GDF1: variants seen among roughly 807,000 people sequenced by gnomAD.
The protein encoded by GDF1 is growth differentiation factor 1.
In GDF1, 8 loss-of-function variants were observed where a neutral mutation model predicts 7.4. The observed-to-expected ratio is 1.09, with a 90% CI of 0.64 to 1.96. The LOEUF is 1.96. Among genes scored for constraint, GDF1 ranks in the 30% most tolerant of loss-of-function variants. The pLI is 0.00. For synonymous variants in GDF1, 311 were observed against 276.7 expected (o/e 1.12, Z -1.23); for missense variants, 574 against 551.5 (o/e 1.04, Z -0.41).
chr19:18,875,251 A>C (rs1433477887), intron 6 of GDF1, among the ~76,000 whole-genome samples: 1 of 147,976 alleles, frequency 6.8e-6, no homozygotes, highest in South Asian at 2.1e-4. Flanking sequence ...AAAAAAAAAG[A>C]AAGAAAGAAA....
chr19:18,887,479 CTTTAA>C (rs2056389455), intron 2 of GDF1, among the ~76,000 whole-genome samples: 1 of 152,138 alleles, frequency 6.6e-6, no homozygotes, highest in Admixed American at 6.6e-5. Flanking sequence ...GAACTGTTCG[CTTTAA>C]AATGGTTAAT....
At chr19:18,894,685 C>T (rs2056582527) in intron 1 of GDF1, among the ~76,000 whole-genome samples, 1 of 152,104 alleles carries the variant, frequency 6.6e-6, no homozygotes, top group African/African-American at 2.4e-5. Context: ...AGGGAGGGGC[C>T]CTGGACAGCC....
intron 4 of GDF1, among the ~76,000 whole-genome samples, chr19:18,880,058 A>C: frequency 2.1e-5 from 3 of 140,190 alleles, no homozygotes; most frequent in Admixed American, 1.4e-4. Context: ...GCCCAGCCCC[A>C]CTCCTAGCTC....
intron 6 of GDF1, among the ~76,000 whole-genome samples, chr19:18,872,713 A>AGTAGAGG (rs2055996234): frequency 5.0e-5 from 3 of 59,598 alleles, no homozygotes; most frequent in African/African-American, 2.0e-4. Flanking sequence ...ATGCGGTTTT[A>AGTAGAGG]CCATGTTGGC....
At chr19:18,891,604 G>T (rs1184825901) in intron 2 of GDF1, among the ~76,000 whole-genome samples, 3 of 152,082 alleles carry the variant, frequency 2.0e-5, no homozygotes, top group Non-Finnish European at 4.4e-5. Flanking sequence ...CCCAGGCAGG[G>T]TCTCGCTCTG....
At chr19:18,880,689 G>A (rs2056182919) in intron 3 of GDF1, among the ~76,000 whole-genome samples, 1 of 151,674 alleles carries the variant, frequency 6.6e-6, no homozygotes. Context: ...GTGGCCCAGG[G>A]AGCTCCCTGG....
chr19:18,894,425 G>A (rs1445010859), intron 1 of GDF1, among the ~76,000 whole-genome samples: 2 of 152,162 alleles, frequency 1.3e-5, no homozygotes, highest in African/African-American at 4.8e-5. Flanking sequence ...CTGCCAAGAA[G>A]ATCAGCTTTG....
chr19:18,874,745 G>A (rs1032413074), intron 6 of GDF1, among the ~76,000 whole-genome samples: 4 of 152,216 alleles, frequency 2.6e-5, no homozygotes, highest in Non-Finnish European at 5.9e-5. Context: ...TGAGGGCCAT[G>A]AGGAGGACAG....
In GDF1 at chr19:18,870,070, G is replaced by A; in HGVS notation, c.238C>T (p.Arg80Trp). ...TGCAGGGTGACCCCTGGGGACGTCC[G>A]CCGCGAGCCAGACCTGGTCTCCTGG... ...DPQETRSGSR[R>W]TSPGVTLQPC... The change falls in exon 7 of 8, where the codon CGG (arginine) becomes TGG (tryptophan). Residue 80 changes from arginine (R) to tryptophan (W), a missense_variant. Transcript: ENST00000247005. The surrounding 1 kb of genome is among the most constrained non-coding windows in gnomAD (Gnocchi z 5.1). 6.3e-7 allele frequency: 1 copy of A among 1,582,682 alleles called. No individual in the cohort carries two copies. Among genetic ancestry groups the A allele is most frequent in the Non-Finnish European group, 8.5e-7 (1 of 1,169,604 alleles).
chr19:18,893,544 C>A lies in GDF1; in HGVS notation c.-1042G>T, dbSNP rs1268321830. On this transcript the variant is annotated 5_prime_UTR_variant, in exon 2 of 8. Transcript: ENST00000247005. The stretch of plus-strand genomic sequence containing the variant: ...GCTCTCGGGCATCTTGGCGGCATCT[C>A]TGGGCTGGAGGCAGCACCGCTTCGC... 6.2e-7 allele frequency: 1 copy of A among 1,610,610 alleles called. No individual in the cohort carries two copies. Among genetic ancestry groups the A allele is most frequent in the South Asian group, 1.1e-5 (1 of 90,384 alleles).
intron 1 of GDF1, among the ~76,000 whole-genome samples, chr19:18,894,632 A>G (rs1011510939): frequency 6.6e-6 from 1 of 152,038 alleles, no homozygotes; most frequent in Non-Finnish European, 1.5e-5. Flanking sequence ...GAAACTGGGA[A>G]GAAGGCAGGG....
rs1324029731 is a variant in GDF1 at position 18,895,958 on chromosome 19, C to T, written c.-1208G>A. 3 of 1,091,288 alleles carry T rather than the reference C, an allele frequency of 2.7e-6. No individual in the cohort carries two copies. Among genetic ancestry groups the T allele is most frequent in the Admixed American group, 9.9e-5 (2 of 20,200 alleles). 67.6% of individuals were successfully genotyped at this position (1,091,288 alleles called of 1,614,324 possible). On this transcript the variant is annotated 5_prime_UTR_variant, in exon 1 of 8. Transcript: ENST00000247005. This position sits in a 1 kb window ranked among gnomAD's most constrained non-coding sequence, Gnocchi z 6.4. ...CGACGCGCCAGCCCCCAGCCGCAGT[C>T]CGTGCAGCCCCGCGCCGCCGCCAGC...
At chr19:18,887,713 C>T (rs2056394643) in intron 2 of GDF1, among the ~76,000 whole-genome samples, 1 of 145,844 alleles carries the variant, frequency 6.9e-6, no homozygotes, top group African/African-American at 2.5e-5. Context: ...CACTGCACTC[C>T]AGCCTGGGCA....
At chr19:18,873,068 T>C (rs2056002835) in intron 6 of GDF1, among the ~76,000 whole-genome samples, 1 of 151,706 alleles carries the variant, frequency 6.6e-6, no homozygotes, top group South Asian at 2.1e-4. Context: ...TGTTTCTTCA[T>C]AGATGAGGAG....
Position 18,878,836 on chromosome 19 carries a change from A to G in GDF1, c.-313+94T>C. 6.5e-7 allele frequency: 1 copy of G among 1,538,858 alleles called. No homozygotes were observed. Among genetic ancestry groups the G allele is most frequent in the South Asian group, 1.2e-5 (1 of 84,056 alleles). ...GGGGGGCAGCATCCGCGTCGGCCTC[A>G]TCTGCTGCTGGGTCTTGGGGGCCTG... On this transcript the variant is annotated intron_variant, in intron 6 of 7. Transcript: ENST00000247005. The surrounding 1 kb of genome is among the most constrained non-coding windows in gnomAD (Gnocchi z 4.6).
chr19:18,887,848 C>T (rs1300945475), intron 2 of GDF1, among the ~76,000 whole-genome samples: 4 of 152,092 alleles, frequency 2.6e-5, no homozygotes, highest in Non-Finnish European at 4.4e-5. Flanking sequence ...CAGCAGCCAT[C>T]TCCAGAACAT....
chr19:18,890,504 G>C (rs74253301), intron 2 of GDF1, among the ~76,000 whole-genome samples: 13,398 of 152,262 alleles, frequency 0.088, 647 homozygotes, highest in Middle Eastern at 0.12. Flanking sequence ...AAGGCTGGAC[G>C]AGGTGGCTCA....
intron 2 of GDF1, among the ~76,000 whole-genome samples, chr19:18,885,626 T>C (rs2056335647): frequency 6.6e-6 from 1 of 150,836 alleles, no homozygotes; most frequent in Non-Finnish European, 1.5e-5. Context: ...TTCAAGTGAT[T>C]CTCCTGCCTC....
rs1422316278 is a variant in GDF1 at position 18,880,306 on chromosome 19, T to A, written c.-603A>T. 6.4e-7 allele frequency: 1 copy of A among 1,552,570 alleles called. No homozygotes were observed. The highest frequency in any genetic ancestry group is 2.4e-5 in the East Asian group (1 of 41,066). ...AGCCGAAGCTGAGGCAGCCCAAGTC[T>A]GCTGCCAAGGCATGCAGCCGATGGT... On this transcript the variant is annotated 5_prime_UTR_variant, in exon 4 of 8. Transcript: ENST00000247005.
Sources: allele counts gnomAD v4.1 joint callset (sites outside exome capture counted in the v4.1 genomes callset), GRCh38; gene constraint gnomAD v4.1.1; non-coding constraint Gnocchi (gnomAD v3.1); transcripts MANE v1.5; gene names NCBI Gene and HGNC (gene_info 2026-07-23, HGNC 2026-07-21).